The following SDK2 variants were observed in gnomAD, a reference collection of about 807,000 sequenced individuals.
SDK2 encodes the protein sidekick cell adhesion molecule 2.
Under a neutral mutation model 253.9 loss-of-function variants are expected in SDK2, and 105 were observed. The observed-to-expected ratio is 0.41, with a 90% CI of 0.35 to 0.49. SDK2 has a LOEUF of 0.49. Among genes scored for constraint, SDK2 ranks in the 20% least tolerant of loss-of-function variants. SDK2 has a pLI of 0.06. For synonymous variants in SDK2, 1,249 were observed against 1,234.9 expected (o/e 1.01, Z -0.24); for missense variants, 2,608 against 3,003.0 (o/e 0.87, Z 3.07).
Position 73,566,086 on chromosome 17 carries a change from C to G in SDK2, c.65-58489G>C, listed in dbSNP as rs1047148879. ...TCCACCCACCTTGGCCTCCCAAAGT[C>G]CTGGGATTACAGGCGTGAGGCACTG... is the stretch of plus-strand genomic sequence containing the variant. On this transcript the variant is annotated intron_variant, in intron 1 of 44. Coordinates refer to ENST00000392650, the MANE Select transcript of SDK2 (RefSeq NM_001144952.2). Among the ~76,000 whole-genome samples, 6 of 152,112 alleles carry G rather than the reference C, an allele frequency of 3.9e-5. No homozygotes were observed. The East Asian group carries it at 9.6e-4, about 24-fold the overall frequency.
intron 3 of SDK2, among the ~76,000 whole-genome samples, chr17:73,471,529 C>T (rs1020051478): frequency 5.3e-5 from 8 of 152,124 alleles, no homozygotes; most frequent in Admixed American, 2.0e-4. Context: ...AACCTGGAAG[C>T]GGAGGTTGCA....
At chr17:73,515,606 A>G (rs1246527602) in intron 1 of SDK2, among the ~76,000 whole-genome samples, 1 of 152,252 alleles carries the variant, frequency 6.6e-6, no homozygotes, top group Non-Finnish European at 1.5e-5. Flanking sequence ...ATAGCACAGA[A>G]GATGAACGCA....
Position 73,379,594 on chromosome 17 carries a change from C to A in SDK2, c.4763-45G>T. 2 of 1,247,016 alleles carry A rather than the reference C, an allele frequency of 1.6e-6. No homozygotes were observed. The highest frequency in any genetic ancestry group is 2.3e-6 in the Non-Finnish European group (2 of 865,850). 77.2% of individuals were successfully genotyped at this position (1,247,016 alleles called of 1,614,324 possible). A position where few individuals can be genotyped will look rare whatever the true frequency, so the allele number is the denominator to read the frequency against. ...AGGGGAAGCACACTGAGGTCACCGT[C>A]ATTGCTGGGAAGGTGTCCCCAGGGA... On this transcript the variant is annotated intron_variant, in intron 34 of 44. Transcript: ENST00000392650. This position sits in a 1 kb window ranked among gnomAD's most constrained non-coding sequence, Gnocchi z 4.5.
At chr17:73,553,937 CT>C (rs540598872) in intron 1 of SDK2, among the ~76,000 whole-genome samples, 321 of 152,290 alleles carry the variant, frequency 2.1e-3, no homozygotes, top group Middle Eastern at 3.4e-3. Context: ...ACACATCCCC[CT>C]GAAGCCCTGG....
intron 36 of SDK2, among the ~76,000 whole-genome samples, chr17:73,377,626 G>C (rs1288275626): frequency 6.7e-6 from 1 of 148,692 alleles, no homozygotes; most frequent in Non-Finnish European, 1.5e-5. Flanking sequence ...TGACTCTGCT[G>C]CCTGCTTTTT....
chr17:73,542,735 C>T (rs758012883), intron 1 of SDK2, among the ~76,000 whole-genome samples: 18 of 152,286 alleles, frequency 1.2e-4, no homozygotes, highest in Admixed American at 2.0e-4. Flanking sequence ...GGCTGGGAAC[C>T]GAGGACACTT....
chr17:73,574,497 C>T (rs1020634169), intron 1 of SDK2, among the ~76,000 whole-genome samples: 3 of 152,176 alleles, frequency 2.0e-5, no homozygotes, highest in African/African-American at 7.2e-5. Context: ...TTTTTCTCTC[C>T]CTTTTTCCCA....
chr17:73,375,863 A>C (rs1349708819), intron 36 of SDK2, among the ~76,000 whole-genome samples: 3 of 148,840 alleles, frequency 2.0e-5, no homozygotes, highest in African/African-American at 7.4e-5. Flanking sequence ...CTCAGGAAAA[A>C]AAAGAAAGAA....
chr17:73,462,734 G>A (rs2063572688), intron 3 of SDK2, among the ~76,000 whole-genome samples: 1 of 152,106 alleles, frequency 6.6e-6, no homozygotes, highest in African/African-American at 2.4e-5. Context: ...GAAGCAGGTA[G>A]GGCACAGCTG....
chr17:73,580,653 G>A (rs1407866105), intron 1 of SDK2, among the ~76,000 whole-genome samples: 1 of 152,218 alleles, frequency 6.6e-6, no homozygotes, highest in Non-Finnish European at 1.5e-5. Flanking sequence ...AAGTGAAGTG[G>A]AACAATGGCA....
chr17:73,420,323 A>G (rs2063219158), intron 15 of SDK2, among the ~76,000 whole-genome samples: 1 of 152,226 alleles, frequency 6.6e-6, no homozygotes, highest in Admixed American at 6.5e-5. Flanking sequence ...AGCTTTCCTA[A>G]GCATGCTGCT....
rs61021852 is a variant in SDK2 at position 73,495,297 on chromosome 17, G to A, written c.224+12141C>T. On this transcript the variant is annotated intron_variant, in intron 2 of 44. Coordinates refer to ENST00000392650, the MANE Select transcript of SDK2 (RefSeq NM_001144952.2). Reference sequence around the variant, plus strand: ...ACTGTAGGTCATGGTTCTCAATGGGGGTGCTGTTGCCCCAGGACACAGGTG... The same window carrying A: ...ACTGTAGGTCATGGTTCTCAATGGGAGTGCTGTTGCCCCAGGACACAGGTG... Among the ~76,000 whole-genome samples, 261 of 152,330 alleles carry A rather than the reference G, an allele frequency of 1.7e-3. 1 individual carries two copies. The highest frequency in any genetic ancestry group is 5.9e-3 in the African/African-American group (247 of 41,572).
At chr17:73,561,234 C>G (rs775051793) in intron 1 of SDK2, among the ~76,000 whole-genome samples, 1 of 152,184 alleles carries the variant, frequency 6.6e-6, no homozygotes, top group African/African-American at 2.4e-5. Flanking sequence ...GAGACAATTA[C>G]GGGGTTGGTA....
At chr17:73,606,286 A>G (rs2045906181) in intron 1 of SDK2, among the ~76,000 whole-genome samples, 1 of 151,918 alleles carries the variant, frequency 6.6e-6, no homozygotes, top group Non-Finnish European at 1.5e-5. Context: ...GCTGGGCAGG[A>G]GCTCCCTGGG....
intron 1 of SDK2, among the ~76,000 whole-genome samples, chr17:73,626,952 C>T (rs1323700684): frequency 1.3e-5 from 2 of 152,146 alleles, no homozygotes; most frequent in African/African-American, 2.4e-5. Context: ...TCTTGGCCTG[C>T]GCAGGGGGCC....
intron 5 of SDK2, among the ~76,000 whole-genome samples, chr17:73,441,747 C>A (rs1441138496): frequency 6.6e-6 from 1 of 152,224 alleles, no homozygotes; most frequent in East Asian, 1.9e-4. Context: ...AGCCACTCAG[C>A]TGGTAGTACT....
intron 1 of SDK2, chr17:73,518,276 C>G (rs1423612361): frequency 1.3e-5 from 2 of 151,998 alleles, no homozygotes; most frequent in African/African-American, 4.8e-5. Flanking sequence ...GGTTCAAACC[C>G]AGTGGACTCT....
intron 5 of SDK2, among the ~76,000 whole-genome samples, chr17:73,446,182 G>A (rs984384442): frequency 2.0e-5 from 3 of 152,096 alleles, no homozygotes; most frequent in Non-Finnish European, 2.9e-5. Flanking sequence ...ACCAAATGAC[G>A]GGATTCCATG....
chr17:73,577,280 A>C (rs1017935618), intron 1 of SDK2, among the ~76,000 whole-genome samples: 6 of 152,228 alleles, frequency 3.9e-5, no homozygotes, highest in Non-Finnish European at 7.3e-5. Context: ...TTATCCAAAA[A>C]AACTCTTAAG....
Sources: allele counts gnomAD v4.1 joint callset (sites outside exome capture counted in the v4.1 genomes callset), GRCh38; gene constraint gnomAD v4.1.1; non-coding constraint Gnocchi (gnomAD v3.1); transcripts MANE v1.5; gene names NCBI Gene and HGNC (gene_info 2026-07-23, HGNC 2026-07-21).